COL14A1: variants seen among roughly 807,000 people sequenced by gnomAD.
COL14A1 encodes collagen type XIV alpha 1 chain.
Under a neutral mutation model 230.3 loss-of-function variants are expected in COL14A1, and 136 were observed. That is an observed-to-expected ratio of 0.59 (90% confidence interval 0.51 to 0.68). The LOEUF (loss-of-function observed/expected upper bound fraction) is 0.68, where lower values mean the gene tolerates loss of function less well. Ranked by LOEUF, COL14A1 falls within the 30% of genes least tolerant of loss-of-function variation. The pLI is 0.00. For missense variants in COL14A1, 1,976 were observed against 2,215.8 expected (o/e 0.89, Z 2.17); for synonymous variants, 792 against 784.1 (o/e 1.01, Z -0.17).
At chr8:120,188,159 T>C (rs1030488506) in intron 5 of COL14A1, among the ~76,000 whole-genome samples, 2 of 151,780 alleles carry the variant, frequency 1.3e-5, no homozygotes, top group African/African-American at 2.4e-5. Flanking sequence ...CTCAGCTCAC[T>C]GCAACCTCCA....
intron 2 of COL14A1, among the ~76,000 whole-genome samples, chr8:120,149,609 A>G (rs1489565816): frequency 1.3e-5 from 2 of 152,040 alleles, no homozygotes; most frequent in Admixed American, 6.6e-5. Flanking sequence ...GGAATAACTG[A>G]TCATATATAG....
chr8:120,337,965 G>T (rs1354396484), intron 42 of COL14A1, among the ~76,000 whole-genome samples: 2 of 152,172 alleles, frequency 1.3e-5, no homozygotes, highest in African/African-American at 4.8e-5. Flanking sequence ...ATGAGACTGA[G>T]TTTGAGGAAT....
intron 25 of COL14A1, among the ~76,000 whole-genome samples, chr8:120,268,032 G>A (rs1288114680): frequency 6.6e-6 from 1 of 151,816 alleles, no homozygotes; most frequent in Admixed American, 6.6e-5. Flanking sequence ...AGATTCAAAT[G>A]CTGCAGAGAG....
chr8:120,181,557 C>G (rs1488682412), intron 5 of COL14A1, among the ~76,000 whole-genome samples: 1 of 152,184 alleles, frequency 6.6e-6, no homozygotes. Flanking sequence ...ACAATACATA[C>G]ATAAACAGCT....
At chr8:120,355,526 C>T (rs1326674736) in intron 45 of COL14A1, among the ~76,000 whole-genome samples, 1 of 151,752 alleles carries the variant, frequency 6.6e-6, no homozygotes, top group African/African-American at 2.4e-5. Flanking sequence ...AATTCTCCTG[C>T]CTCAGCTTCC....
At chr8:120,193,025 T>C (rs1164109348) in intron 5 of COL14A1, among the ~76,000 whole-genome samples, 1 of 152,254 alleles carries the variant, frequency 6.6e-6, no homozygotes, top group African/African-American at 2.4e-5. Context: ...TTTGATCGTC[T>C]GAAGCCTTCT....
At chr8:120,300,603 A>T (rs1820680279) in intron 35 of COL14A1, 129 bp from the exon 36 acceptor site, 7 of 714,058 alleles carry the variant, frequency 9.8e-6, no homozygotes, top group Middle Eastern at 2.7e-4. Context: ...AGGAGTGAAT[A>T]TTCTCTGCCT....
At chr8:120,270,896 A>G (rs1032477412) in intron 26 of COL14A1, among the ~76,000 whole-genome samples, 1 of 151,808 alleles carries the variant, frequency 6.6e-6, no homozygotes, top group African/African-American at 2.4e-5. Flanking sequence ...AATATAAATC[A>G]TTCTACTGTA....
In COL14A1 at chr8:120,281,047, C is replaced by T. The variant is rs142245168; in HGVS notation, c.3812C>T (p.Ser1271Phe). The part of the protein sequence containing the change: ...CYQLHKDALV[S>F]QPTRYLHPEG... ...CAACTCCATAAAGATGCCCTGGTTT[C>T]CCAGCCAACCAGGTATGTTTCTGTT... The change falls in exon 31 of 48, where the codon TCC becomes TTC. Residue 1271 changes from serine to phenylalanine, a missense_variant. Physicochemically the swap from Ser to Phe is radical, Grantham distance 155 (BLOSUM62 -2). This residue lies in a region of COL14A1 where 1,791 missense variants were observed against 2,019.5 expected (regional missense o/e 0.89). Coordinates refer to ENST00000297848, the MANE Select transcript of COL14A1 (RefSeq NM_021110.4). 2.5e-6 allele frequency: 4 copies of T among 1,608,076 alleles called. No individual in the cohort carries two copies. The highest frequency in any genetic ancestry group is 1.3e-5 in the African/African-American group (1 of 74,502).
intron 26 of COL14A1, among the ~76,000 whole-genome samples, chr8:120,270,393 A>T (rs1445701645): frequency 6.6e-6 from 1 of 151,684 alleles, no homozygotes; most frequent in East Asian, 1.9e-4. Flanking sequence ...TCGGCAAACT[A>T]AAACAAGGTA....
intron 40 of COL14A1, among the ~76,000 whole-genome samples, chr8:120,326,782 T>C (rs1487256293): frequency 6.6e-6 from 1 of 152,132 alleles, no homozygotes; most frequent in African/African-American, 2.4e-5. Context: ...TCCCAGCACT[T>C]TGGGAGGCTG....
chr8:120,297,091 ATG>A (rs1554620539), intron 34 of COL14A1, among the ~76,000 whole-genome samples: 1 of 152,060 alleles, frequency 6.6e-6, no homozygotes, highest in Non-Finnish European at 1.5e-5. Context: ...GCCACATATT[ATG>A]ATAGGTGACC....
At chr8:120,205,629 C>T (rs527806642) in intron 9 of COL14A1, among the ~76,000 whole-genome samples, 2 of 152,218 alleles carry the variant, frequency 1.3e-5, no homozygotes, top group East Asian at 3.9e-4. Flanking sequence ...TTCTCTCTAT[C>T]ATCATTCCCC....
chr8:120,162,126 A>G (rs1007613816), intron 3 of COL14A1, among the ~76,000 whole-genome samples: 2 of 152,236 alleles, frequency 1.3e-5, no homozygotes, highest in African/African-American at 2.4e-5. Context: ...AATTTCGACA[A>G]TTGTTAGTTA....
At chr8:120,345,039 A>C (rs1323466516) in intron 44 of COL14A1, among the ~76,000 whole-genome samples, 1 of 152,092 alleles carries the variant, frequency 6.6e-6, no homozygotes, top group East Asian at 1.9e-4. Flanking sequence ...TTGCTAGAGA[A>C]ATGGCAGCTG....
intron 34 of COL14A1, among the ~76,000 whole-genome samples, chr8:120,290,757 C>A (rs1820350832): frequency 6.6e-6 from 1 of 152,066 alleles, no homozygotes; most frequent in Non-Finnish European, 1.5e-5. Flanking sequence ...GGAAATAGTC[C>A]AAGTGGGAGA....
At chr8:120,167,988 A>G (rs1815966555) in intron 4 of COL14A1, among the ~76,000 whole-genome samples, 173 bp from the exon 5 acceptor site, 1 of 152,226 alleles carries the variant, frequency 6.6e-6, no homozygotes, top group South Asian at 2.1e-4. Flanking sequence ...TTCATGTCAA[A>G]GTTGAGAAAA....
At chr8:120,288,702 T>C (rs1193092604) in intron 33 of COL14A1, among the ~76,000 whole-genome samples, 2 of 152,194 alleles carry the variant, frequency 1.3e-5, no homozygotes, top group Non-Finnish European at 2.9e-5. Context: ...TTGACCAACA[T>C]GGTTTTTCTT....
chr8:120,297,685 C>A (rs1369328640), intron 35 of COL14A1, 97 bp downstream of exon 35: 6 of 567,624 alleles, frequency 1.1e-5, no homozygotes, highest in African/African-American at 9.8e-5. Context: ...ATAGGCAACT[C>A]GTTGAGATGA....
Sources: gnomAD v4.1 joint callset for allele counts (sites outside exome capture counted in the v4.1 genomes callset) on GRCh38, gnomAD v4.1.1 for gene constraint, gnomAD v4.1.1 regional missense constraint, MANE v1.5 for transcripts, NCBI Gene and HGNC (gene_info 2026-07-23, HGNC 2026-07-21) for gene names.